The following STPG2 variants were observed in gnomAD, a reference collection of about 807,000 sequenced individuals.
STPG2 encodes sperm tail PG-rich repeat containing 2.
In STPG2, 56 loss-of-function variants were observed where a neutral mutation model predicts 54.2. The ratio of observed to expected loss-of-function variants is 1.03; its 90% CI spans 0.83 to 1.29. The LOEUF is 1.29. Ranked by LOEUF, STPG2 falls within the 50% of genes most tolerant of loss-of-function variation. The probability of loss-of-function intolerance (pLI) is 0.00; values close to 1 mark genes in which losing one functional copy is unlikely to be tolerated. For missense variants in STPG2, 596 were observed against 544.9 expected, an observed-to-expected ratio of 1.09 and a Z score of -0.93; for synonymous variants, 200 against 181.8, an observed-to-expected ratio of 1.10 and a Z score of -0.81.
chr4:97,776,442 T>C (rs2149066683), intron 9 of STPG2, among the ~76,000 whole-genome samples: 1 of 152,328 alleles, frequency 6.6e-6, no homozygotes, highest in African/African-American at 2.4e-5. Flanking sequence ...CTATTCATTG[T>C]CTCCTTTAAC....
chr4:97,635,647 T>C (rs534571551), intron 10 of STPG2, among the ~76,000 whole-genome samples: 1 of 152,070 alleles, frequency 6.6e-6, no homozygotes, highest in African/African-American at 2.4e-5. Flanking sequence ...TGGAGGAAGA[T>C]CTACGAAGCA....
At chr4:98,071,270 A>G (rs1376710859) in intron 5 of STPG2, among the ~76,000 whole-genome samples, 1 of 152,200 alleles carries the variant, frequency 6.6e-6, no homozygotes, top group South Asian at 2.1e-4. Flanking sequence ...CTGCATACCT[A>G]CAACTAACTG....
chr4:97,753,970 C>T (rs1329951191), intron 9 of STPG2, among the ~76,000 whole-genome samples: 1 of 151,856 alleles, frequency 6.6e-6, no homozygotes, highest in Non-Finnish European at 1.5e-5. Context: ...AGTAGATTGC[C>T]TTTTAATGAA....
At chr4:97,586,363 A>C (rs948945110) in intron 10 of STPG2, among the ~76,000 whole-genome samples, 1 of 151,880 alleles carries the variant, frequency 6.6e-6, no homozygotes, top group African/African-American at 2.4e-5. Flanking sequence ...ATATCATCTA[A>C]GTCCTGGAAG....
In STPG2 at chr4:97,737,978, A is replaced by T. The variant is rs561408045; in HGVS notation, c.1205-25164T>A. Among the ~76,000 whole-genome samples the T allele has an allele frequency of 9.3e-4, 142 of 152,334 alleles. 1 individual carries two copies. The highest frequency in any genetic ancestry group is 1.7e-3 in the Non-Finnish European group (113 of 68,030). Reference sequence around the variant, plus strand: ...GCCAGAGAGAAAGGTCGGGTTACCCACAAAGGGAAGCCCATCAGGCTAACA... The same window carrying T: ...GCCAGAGAGAAAGGTCGGGTTACCCTCAAAGGGAAGCCCATCAGGCTAACA... On this transcript the variant is annotated intron_variant, in intron 9 of 10. Transcript: ENST00000295268.
intron 5 of STPG2, among the ~76,000 whole-genome samples, chr4:98,084,438 A>G (rs1360160728): frequency 6.6e-6 from 1 of 152,220 alleles, no homozygotes; most frequent in East Asian, 1.9e-4. Context: ...TTGTATAAGT[A>G]TTTGGTGAAC....
At chr4:97,969,266 C>T (rs878938154) in intron 7 of STPG2, among the ~76,000 whole-genome samples, 2 of 152,268 alleles carry the variant, frequency 1.3e-5, no homozygotes, top group Non-Finnish European at 2.9e-5. Context: ...TGTTTTAAGG[C>T]TGTTAGGAAT....
intron 4 of STPG2, among the ~76,000 whole-genome samples, chr4:98,107,635 G>A (rs533852511): frequency 2.2e-4 from 33 of 152,118 alleles, no homozygotes; most frequent in African/African-American, 7.5e-4. Flanking sequence ...TTACAGTCCC[G>A]GGTATGCCTG....
chr4:97,965,774 C>A (rs934253602), intron 7 of STPG2, among the ~76,000 whole-genome samples: 1 of 152,150 alleles, frequency 6.6e-6, no homozygotes, highest in African/African-American at 2.4e-5. Flanking sequence ...AGCTGAGGGA[C>A]CTGATTGTTA....
chr4:97,877,459 C>T lies in STPG2; in HGVS notation c.1045-36527G>A, dbSNP rs536657935. 6.6e-5 allele frequency among the ~76,000 whole-genome samples: 10 copies of T among 152,206 alleles called. No individual in the cohort carries two copies. In the East Asian group the frequency reaches 7.7e-4, roughly 12 times the overall value. ...AATTTATAAAGAAAAAGAAGTTTAA[C>T]GGACTCACAGTTCCACGTGGCTGGG... On this transcript the variant is annotated intron_variant, in intron 8 of 10. Transcript: ENST00000295268.
At position 97,657,433 on chromosome 4, in the gene STPG2, T is replaced by C. The variant is rs1722247450; in HGVS notation, c.1320+55266A>G. Among the ~76,000 whole-genome samples the C allele has an allele frequency of 3.3e-5, 5 of 152,334 alleles. No homozygotes were observed. The South Asian group carries it at 1.0e-3, about 32-fold the overall frequency. On this transcript the variant is annotated intron_variant, in intron 10 of 10. Transcript: ENST00000295268. Reference sequence around the variant, plus strand: ...ATTTTGGTGAGTATAAGGGAATATCTATTAAGGCAGGATGACATAAAATAT... The same window carrying C: ...ATTTTGGTGAGTATAAGGGAATATCCATTAAGGCAGGATGACATAAAATAT...
At chr4:97,782,203 C>G (rs1031632169) in intron 9 of STPG2, among the ~76,000 whole-genome samples, 4 of 152,200 alleles carry the variant, frequency 2.6e-5, no homozygotes, top group African/African-American at 9.6e-5. Flanking sequence ...AGCCCAAAAT[C>G]TCCTTAAGCT....
intron 7 of STPG2, among the ~76,000 whole-genome samples, chr4:97,945,428 T>G (rs962837696): frequency 1.3e-5 from 2 of 152,176 alleles, no homozygotes; most frequent in African/African-American, 4.8e-5. Context: ...CCATGGTGTA[T>G]ATATACCACA....
chr4:97,737,639 A>G (rs1725056384), intron 9 of STPG2, among the ~76,000 whole-genome samples: 1 of 152,218 alleles, frequency 6.6e-6, no homozygotes, highest in South Asian at 2.1e-4. Flanking sequence ...AATGAAATGA[A>G]GCGAGAAGGG....
At chr4:97,482,310 A>G (rs988226352) in intron 4 of STPG2, among the ~76,000 whole-genome samples, 1 of 151,624 alleles carries the variant, frequency 6.6e-6, no homozygotes, top group Non-Finnish European at 1.5e-5. Context: ...ATAGCAAAAA[A>G]TGATACAAAA....
intron 5 of STPG2, among the ~76,000 whole-genome samples, chr4:98,013,067 G>A (rs1343406258): frequency 6.6e-6 from 1 of 152,142 alleles, no homozygotes; most frequent in Non-Finnish European, 1.5e-5. Context: ...TGCCCATTCA[G>A]TATGATACTG....
Position 97,522,142 on chromosome 4 carries a change from A to G in STPG2, c.462+190557T>C, listed in dbSNP as rs1381973245. On this transcript the variant is annotated intron_variant, in intron 4 of 4. Coordinates refer to the STPG2 transcript ENST00000522676. ...AGTGCGGAAAAGATAGTAAAACTTGATAATTACAAATATTAAATTAATTGA... is the reference window on the plus strand; with the variant it reads ...AGTGCGGAAAAGATAGTAAAACTTGGTAATTACAAATATTAAATTAATTGA... 3.3e-5 allele frequency among the ~76,000 whole-genome samples: 5 copies of G among 152,182 alleles called. No homozygotes were observed. In the East Asian group the frequency reaches 5.8e-4, roughly 18 times the overall value.
At chr4:97,715,178 A>G (rs185954740) in intron 9 of STPG2, among the ~76,000 whole-genome samples, 1 of 152,302 alleles carries the variant, frequency 6.6e-6, no homozygotes, top group Admixed American at 6.5e-5. Context: ...TCAATTACAT[A>G]TGCTATTGCT....
chr4:97,693,372 A>T (rs544775297), intron 10 of STPG2, among the ~76,000 whole-genome samples: 4 of 152,252 alleles, frequency 2.6e-5, no homozygotes, highest in African/African-American at 9.6e-5. Context: ...ACACCAAAAC[A>T]AGCAGGAATA....
Sources: gnomAD v4.1 joint callset for allele counts (sites outside exome capture counted in the v4.1 genomes callset) on GRCh38, gnomAD v4.1.1 for gene constraint, MANE v1.5 for transcripts, NCBI Gene and HGNC (gene_info 2026-07-23, HGNC 2026-07-21) for gene names.